The following PLEKHM3 variants were observed in gnomAD, a reference collection of about 807,000 sequenced individuals.
PLEKHM3 encodes pleckstrin homology domain-containing family M member 3.
A neutral mutation model predicts 81.8 loss-of-function variants in PLEKHM3; 45 were observed. That is an observed-to-expected ratio of 0.55 (90% CI 0.43 to 0.71). PLEKHM3 has a LOEUF of 0.71. Ranked by LOEUF, PLEKHM3 falls within the 30% of genes least tolerant of loss-of-function variation. The pLI is 0.00. For synonymous variants in PLEKHM3, 352 were observed against 356.4 expected, an observed-to-expected ratio of 0.99 and a Z score of 0.14; for missense variants, 788 against 924.3, an observed-to-expected ratio of 0.85 and a Z score of 1.91.
chr2:207,892,111 G>A (rs1019956232), intron 6 of PLEKHM3, among the ~76,000 whole-genome samples: 1 of 152,096 alleles, frequency 6.6e-6, no homozygotes, highest in Non-Finnish European at 1.5e-5. Context: ...TCAGAGGACT[G>A]TCAGCACACT....
intron 1 of PLEKHM3, among the ~76,000 whole-genome samples, chr2:208,009,301 T>C (rs1208660277): frequency 6.6e-6 from 1 of 152,170 alleles, no homozygotes; most frequent in African/African-American, 2.4e-5. Flanking sequence ...CACCTCAACC[T>C]ACTGAAATTC....
intron 5 of PLEKHM3, among the ~76,000 whole-genome samples, chr2:207,916,554 A>C (rs980614495): frequency 1.2e-4 from 19 of 152,140 alleles, no homozygotes; most frequent in African/African-American, 4.1e-4. Flanking sequence ...ACTCTGGCCA[A>C]CATGGTTGAA....
chr2:207,892,640 G>A (rs16840112), intron 6 of PLEKHM3, among the ~76,000 whole-genome samples: 526 of 152,238 alleles, frequency 3.5e-3, no homozygotes, highest in African/African-American at 0.012. Flanking sequence ...CTAAGCAGCT[G>A]AATCAACTTC....
chr2:207,880,212 GC>G (rs1258206453), intron 6 of PLEKHM3, among the ~76,000 whole-genome samples: 1 of 152,032 alleles, frequency 6.6e-6, no homozygotes, highest in Non-Finnish European at 1.5e-5. Context: ...TTCGAGACCA[GC>G]CTGGCCAACA....
At chr2:207,909,214 G>A (rs536480551) in intron 5 of PLEKHM3, among the ~76,000 whole-genome samples, 1 of 152,258 alleles carries the variant, frequency 6.6e-6, no homozygotes, top group South Asian at 2.1e-4. Context: ...CTTCAACAAA[G>A]TCCAGTATCT....
chr2:207,854,251 T>A (rs2092427304), intron 7 of PLEKHM3, among the ~76,000 whole-genome samples: 1 of 152,216 alleles, frequency 6.6e-6, no homozygotes, highest in Non-Finnish European at 1.5e-5. Flanking sequence ...CATACAGGTT[T>A]TATTTCAAAC....
chr2:207,914,745 A>C (rs1267074694), intron 5 of PLEKHM3, among the ~76,000 whole-genome samples: 3 of 152,058 alleles, frequency 2.0e-5, no homozygotes, highest in Non-Finnish European at 4.4e-5. Context: ...TCATTATATT[A>C]AGAACCAAAA....
intron 2 of PLEKHM3, among the ~76,000 whole-genome samples, chr2:207,978,392 C>A (rs1238414470): frequency 6.7e-6 from 1 of 149,946 alleles, no homozygotes; most frequent in African/African-American, 2.4e-5. Context: ...ACCAACCTAA[C>A]AGTACCAAAT....
At chr2:207,833,660 A>G (rs6746145) in intron 7 of PLEKHM3, among the ~76,000 whole-genome samples, 100,853 of 152,016 alleles carry the variant, frequency 0.66, 33,960 homozygotes, top group African/African-American at 0.76. Flanking sequence ...CTAGATGCCA[A>G]TAGCCATGTC....
At chr2:207,988,519 G>A (rs1007487638) in intron 2 of PLEKHM3, among the ~76,000 whole-genome samples, 6 of 152,148 alleles carry the variant, frequency 3.9e-5, no homozygotes, top group African/African-American at 1.4e-4. Flanking sequence ...ATCAAAAGAA[G>A]AAACATTTTG....
rs1689204171 is a variant in PLEKHM3, at chr2:207,922,149, A to G, written c.1886+8777T>C. ...CTCCACATCCTTGCTGGTGGTTGTTATTTTCTATCTTTTTGATAATAGCCA... is the reference window on the plus strand; with the variant it reads ...CTCCACATCCTTGCTGGTGGTTGTTGTTTTCTATCTTTTTGATAATAGCCA... On this transcript the variant is annotated intron_variant, in intron 5 of 7. Coordinates refer to ENST00000427836, the MANE Select transcript of PLEKHM3 (RefSeq NM_001080475.3). Among the ~76,000 whole-genome samples, 3 of 151,932 alleles carry G rather than the reference A, an allele frequency of 2.0e-5. No individual in the cohort carries two copies. The South Asian group carries it at 6.2e-4, about 32-fold the overall frequency.
intron 7 of PLEKHM3, among the ~76,000 whole-genome samples, chr2:207,833,581 T>C (rs2092300733): frequency 6.6e-6 from 1 of 152,206 alleles, no homozygotes; most frequent in South Asian, 2.1e-4. Context: ...TTTTGAGTTA[T>C]AATCCTTTGA....
chr2:207,828,237 G>A lies in PLEKHM3; in HGVS notation c.*82C>T. ...AGGATACATACTCTTCTTCCAAAGG[G>A]GTCTAACTGGCTAGTTAGGAGGCCG... is the stretch of plus-strand genomic sequence containing the variant. On this transcript the variant is annotated 3_prime_UTR_variant, in exon 8 of 8. Transcript: ENST00000427836. The A allele has an allele frequency of 7.3e-7, 1 of 1,366,160 alleles. No homozygotes were observed. The highest frequency in any genetic ancestry group is 1.4e-5 in the South Asian group (1 of 72,582). The allele number at this position is 1,366,160 out of a possible 1,614,324, so 84.6% of individuals were successfully genotyped here. A position where few individuals can be genotyped will look rare whatever the true frequency, so the allele number is the denominator to read the frequency against.
intron 6 of PLEKHM3, among the ~76,000 whole-genome samples, chr2:207,905,871 A>C (rs900131265): frequency 2.6e-5 from 4 of 152,072 alleles, no homozygotes; most frequent in Non-Finnish European, 5.9e-5. Flanking sequence ...CACCAAGAAT[A>C]CCCCTGCCAC....
At chr2:207,979,402 C>T (rs576000302) in intron 2 of PLEKHM3, among the ~76,000 whole-genome samples, 1 of 152,168 alleles carries the variant, frequency 6.6e-6, no homozygotes, top group East Asian at 1.9e-4. Flanking sequence ...GGTGTGGTGG[C>T]ATGCGCCTGT....
At chr2:207,851,766 G>T (rs930616283) in intron 7 of PLEKHM3, 11 of 145,582 alleles carry the variant, frequency 7.6e-5, no homozygotes, top group Non-Finnish European at 1.5e-5. Flanking sequence ...AAAAAAAAAG[G>T]TGTTTGAGAA....
intron 5 of PLEKHM3, among the ~76,000 whole-genome samples, chr2:207,912,114 C>T (rs1688828585): frequency 6.6e-6 from 1 of 152,138 alleles, no homozygotes; most frequent in African/African-American, 2.4e-5. Context: ...TCAATGAATA[C>T]AACTGATGAG....
chr2:207,904,057 GCAC>G (rs1688526240), intron 6 of PLEKHM3, among the ~76,000 whole-genome samples: 1 of 152,150 alleles, frequency 6.6e-6, no homozygotes, highest in South Asian at 2.1e-4. Flanking sequence ...TTCAAAACGT[GCAC>G]CAATACTAGT....
intron 7 of PLEKHM3, among the ~76,000 whole-genome samples, chr2:207,840,716 G>A (rs141208595): frequency 9.4e-4 from 141 of 150,108 alleles, no homozygotes; most frequent in African/African-American, 3.2e-3. Context: ...TCAATACTTC[G>A]TCATGTGTTG....
Sources: gnomAD v4.1 joint callset for allele counts (sites outside exome capture counted in the v4.1 genomes callset) on GRCh38, gnomAD v4.1.1 for gene constraint, MANE v1.5 for transcripts, NCBI Gene and HGNC (gene_info 2026-07-23, HGNC 2026-07-21) for gene names.